Variants in NAV3 observed in about 807,000 individuals in gnomAD.
NAV3 encodes the protein neuron navigator 3, also known as pore membrane and/or filament interacting like protein 1.
A neutral mutation model predicts 244.7 loss-of-function variants in NAV3; 87 were observed. The observed-to-expected ratio is 0.36, with a 90% CI of 0.30 to 0.42. The LOEUF (loss-of-function observed/expected upper bound fraction) is 0.42, where lower values mean the gene tolerates loss of function less well. Ranked by LOEUF, NAV3 falls within the 20% of genes least tolerant of loss-of-function variation. The probability of loss-of-function intolerance (pLI) is 1.00; values close to 1 mark genes in which losing one functional copy is unlikely to be tolerated. For synonymous variants in NAV3, 1,126 were observed against 1,042.2 expected (o/e 1.08, Z -1.55); for missense variants, 2,663 against 2,893.3 (o/e 0.92, Z 1.83).
chr12:77,870,056 C>A (rs1250605901), intron 1 of NAV3, among the ~76,000 whole-genome samples: 1 of 152,154 alleles, frequency 6.6e-6, no homozygotes, highest in East Asian at 1.9e-4. Context: ...TATAAAAATG[C>A]AAAAGTAGTT....
At chr12:78,188,403 C>A (rs2139845244) in intron 32 of NAV3, 60 bp downstream of exon 32, 1 of 1,406,402 alleles carries the variant, frequency 7.1e-7, no homozygotes, top group Non-Finnish European at 9.9e-7. Context: ...TAATTGTTTT[C>A]CATAACTTCA....
At chr12:77,747,337 C>T (rs112184085) in intron 2 of NAV3, among the ~76,000 whole-genome samples, 115 of 152,046 alleles carry the variant, frequency 7.6e-4, no homozygotes, top group Middle Eastern at 3.2e-3. Flanking sequence ...AATGAGATAC[C>T]ATCTCACACC....
At chr12:77,919,743 C>A (rs1477389392) in intron 1 of NAV3, among the ~76,000 whole-genome samples, 1 of 151,974 alleles carries the variant, frequency 6.6e-6, no homozygotes. Flanking sequence ...AGACAGTCTG[C>A]ATGTACACTG....
chr12:78,158,742 G>T (rs548069160), intron 22 of NAV3, among the ~76,000 whole-genome samples: 1 of 152,194 alleles, frequency 6.6e-6, no homozygotes, highest in South Asian at 2.1e-4. Context: ...TTGATGGAGC[G>T]TATCATTACA....
At chr12:77,614,463 A>T (rs1871069606) in intron 2 of NAV3, among the ~76,000 whole-genome samples, 1 of 152,174 alleles carries the variant, frequency 6.6e-6, no homozygotes, top group Admixed American at 6.5e-5. Context: ...AAGAAATTTT[A>T]AAAAATATAT....
intron 2 of NAV3, among the ~76,000 whole-genome samples, chr12:77,823,230 A>G (rs1247401456): frequency 6.6e-6 from 1 of 152,168 alleles, no homozygotes; most frequent in Non-Finnish European, 1.5e-5. Context: ...AAAATTTTGG[A>G]GCCAAAGTAC....
Position 78,119,270 on chromosome 12 carries a change from G to C in NAV3, c.3074G>C (p.Gly1025Ala), listed in dbSNP as rs1043201769. The change falls in exon 15 of 40, where the codon GGA becomes GCA. Residue 1025 changes from glycine (G) to alanine (A), a missense_variant. Gly to Ala is a moderately conservative substitution (Grantham distance 60). Transcript: ENST00000397909. ...GATGATGCCAAAGCTTCTGAGAAAG[G>C]AAAAGCTCCCCTAAAAGGATCATCT... ...KTDDAKASEK[G>A]KAPLKGSSLQ... is the part of the protein sequence containing the mutation. 6.2e-7 allele frequency: 1 copy of C among 1,613,362 alleles called. No homozygotes were observed.
At chr12:77,573,095 C>T (rs904216371) in intron 2 of NAV3, among the ~76,000 whole-genome samples, 1 of 152,016 alleles carries the variant, frequency 6.6e-6, no homozygotes, top group African/African-American at 2.4e-5. Context: ...GACCCAGTAG[C>T]GATGGTGCTG....
At chr12:77,627,459 C>T (rs1012283513) in intron 2 of NAV3, among the ~76,000 whole-genome samples, 2 of 152,152 alleles carry the variant, frequency 1.3e-5, no homozygotes, top group Admixed American at 6.5e-5. Flanking sequence ...ATACAAAGAT[C>T]GCTGGAGACT....
At chr12:78,152,738 A>G (rs1217815494) in intron 22 of NAV3, among the ~76,000 whole-genome samples, 1 of 152,010 alleles carries the variant, frequency 6.6e-6, no homozygotes, top group Non-Finnish European at 1.5e-5. Flanking sequence ...GGGACTTGGT[A>G]AAATTACTTA....
At chr12:78,094,748 T>C (rs1336306186) in intron 12 of NAV3, among the ~76,000 whole-genome samples, 1 of 152,012 alleles carries the variant, frequency 6.6e-6, no homozygotes, top group African/African-American at 2.4e-5. Flanking sequence ...TCAAAAATAT[T>C]AAAAATATTT....
At chr12:77,885,835 C>T (rs1883220670) in intron 1 of NAV3, among the ~76,000 whole-genome samples, 1 of 152,128 alleles carries the variant, frequency 6.6e-6, no homozygotes. Context: ...GACATACCTT[C>T]AGTTCTACCA....
At chr12:77,721,186 A>G (rs532703407) in intron 2 of NAV3, among the ~76,000 whole-genome samples, 3 of 152,240 alleles carry the variant, frequency 2.0e-5, no homozygotes, top group African/African-American at 7.2e-5. Context: ...AAGTGTGGAT[A>G]TTGTCGAATA....
chr12:77,781,825 T>A (rs1205479011), intron 2 of NAV3, among the ~76,000 whole-genome samples: 1 of 152,174 alleles, frequency 6.6e-6, no homozygotes, highest in Non-Finnish European at 1.5e-5. Context: ...ATCTGCTTCT[T>A]CAAAGAGAGA....
chr12:77,657,638 G>C (rs1199897762), intron 2 of NAV3, among the ~76,000 whole-genome samples: 1 of 152,082 alleles, frequency 6.6e-6, no homozygotes, highest in Non-Finnish European at 1.5e-5. Context: ...ACCAAAGCCG[G>C]GCAGAGATAC....
Position 78,210,763 on chromosome 12 carries a change from C to G in NAV3, c.*246C>G. The G allele has an allele frequency of 2.2e-6, 1 of 445,146 alleles. No homozygotes were observed. Among genetic ancestry groups the G allele is most frequent in the Admixed American group, 4.0e-5 (1 of 25,234 alleles). 27.6% of individuals were successfully genotyped at this position (445,146 alleles called of 1,614,324 possible). On this transcript the variant is annotated 3_prime_UTR_variant, in exon 40 of 40. Transcript: ENST00000397909. ...TGGAGTAATAGAAAGCTCCATTACT[C>G]AACTGGAAAGGACCCTAATGACAGG...
intron 1 of NAV3, among the ~76,000 whole-genome samples, chr12:77,858,432 G>C (rs796132473): frequency 2.0e-4 from 31 of 152,166 alleles, no homozygotes; most frequent in African/African-American, 7.2e-4. Context: ...CAGGTTCTCA[G>C]GAGGTAGAAT....
chr12:78,137,901 T>C (rs1299041384), intron 19 of NAV3, among the ~76,000 whole-genome samples: 2 of 152,152 alleles, frequency 1.3e-5, no homozygotes, highest in African/African-American at 2.4e-5. Context: ...AATATCTTTA[T>C]AGTTATATAG....
intron 5 of NAV3, among the ~76,000 whole-genome samples, chr12:77,970,909 A>C (rs1370199952): frequency 6.6e-6 from 1 of 152,104 alleles, no homozygotes; most frequent in Non-Finnish European, 1.5e-5. Context: ...AAGGAAATAA[A>C]ATTATTTTAC....
Sources: gnomAD v4.1 joint callset for allele counts (sites outside exome capture counted in the v4.1 genomes callset) on GRCh38, gnomAD v4.1.1 for gene constraint, MANE v1.5 for transcripts, NCBI Gene and HGNC (gene_info 2026-07-23, HGNC 2026-07-21) for gene names.